Variants in PPP3CC observed in about 807,000 individuals in gnomAD.
The protein encoded by PPP3CC is serine/threonine-protein phosphatase 2B catalytic subunit gamma isoform.
A neutral mutation model predicts 60.3 loss-of-function variants in PPP3CC; 35 were observed. The ratio of observed to expected loss-of-function variants is 0.58; its 90% CI spans 0.44 to 0.77. The LOEUF (loss-of-function observed/expected upper bound fraction) is 0.77, where lower values mean the gene tolerates loss of function less well. Among genes scored for constraint, PPP3CC ranks in the 30% least tolerant of loss-of-function variants. PPP3CC has a pLI of 0.00. For synonymous variants in PPP3CC, 206 were observed against 224.3 expected, an observed-to-expected ratio of 0.92 and a Z score of 0.73; for missense variants, 570 against 628.9, an observed-to-expected ratio of 0.91 and a Z score of 1.00.
At chr8:22,453,209 G>A (rs1021275807) in intron 1 of PPP3CC, among the ~76,000 whole-genome samples, 1 of 152,174 alleles carries the variant, frequency 6.6e-6, no homozygotes, top group Non-Finnish European at 1.5e-5. Context: ...CCCATAGTGG[G>A]TGGTTAATAA....
At chr8:22,477,085 A>C (rs1448426254) in intron 3 of PPP3CC, among the ~76,000 whole-genome samples, 1 of 152,182 alleles carries the variant, frequency 6.6e-6, no homozygotes, top group African/African-American at 2.4e-5. Flanking sequence ...CTAAATAGGT[A>C]CTGGGAATAG....
intron 12 of PPP3CC, among the ~76,000 whole-genome samples, chr8:22,536,937 T>A (rs530756457): frequency 6.6e-6 from 1 of 152,054 alleles, no homozygotes; most frequent in Non-Finnish European, 1.5e-5. Flanking sequence ...TGCTTGGAAA[T>A]TGAAGCACAA....
rs1839622548 is a variant in PPP3CC at position 22,528,562 on chromosome 8, G to C, written c.1126G>C (p.Asp376His). The C allele has an allele frequency of 6.4e-7, 1 of 1,552,854 alleles. No individual in the cohort carries two copies. Among genetic ancestry groups the C allele is most frequent in the Non-Finnish European group, 8.7e-7 (1 of 1,144,342 alleles). The change falls in exon 10 of 14, where the codon GAT becomes CAT. Residue 376 changes from aspartate (D) to histidine (H), a missense_variant. Asp to His is a moderately conservative substitution (Grantham distance 81). Coordinates refer to ENST00000240139, the MANE Select transcript of PPP3CC (RefSeq NM_005605.5). ...ATGCTCTGATGACGAACTGATTTCT[G>C]ATGATGAAGCAGAAGGTAAACTTTT... ...NICSDDELIS[D>H]DEAEGSTTVR... is the part of the protein sequence containing the mutation.
At chr8:22,459,338 G>C (rs1837299100) in intron 1 of PPP3CC, among the ~76,000 whole-genome samples, 1 of 152,084 alleles carries the variant, frequency 6.6e-6, no homozygotes, top group Admixed American at 6.6e-5. Flanking sequence ...TGAAATATGT[G>C]TTATAATTTG....
At chr8:22,468,057 A>C (rs895146764) in intron 1 of PPP3CC, among the ~76,000 whole-genome samples, 4 of 152,224 alleles carry the variant, frequency 2.6e-5, no homozygotes, top group African/African-American at 7.2e-5. Context: ...GGAACATTCA[A>C]ATCATAGCAG....
intron 3 of PPP3CC, among the ~76,000 whole-genome samples, chr8:22,483,179 C>G (rs1036924038): frequency 1.3e-5 from 2 of 152,178 alleles, no homozygotes; most frequent in African/African-American, 4.8e-5. Flanking sequence ...AAGCCCTGTT[C>G]TACAATAGGA....
At chr8:22,534,160 T>C (rs12676481) in intron 12 of PPP3CC, among the ~76,000 whole-genome samples, 148,697 of 148,698 alleles carry the variant, frequency 1, 74,348 homozygotes, top group Non-Finnish European at 1. Context: ...GATCACACCA[T>C]TGCACTCCAG....
intron 4 of PPP3CC, among the ~76,000 whole-genome samples, chr8:22,499,842 C>G (rs978021849): frequency 6.6e-6 from 1 of 152,160 alleles, no homozygotes. Context: ...TCATTTTACC[C>G]TCATACCCTG....
At chr8:22,467,233 C>G (rs1178247894) in intron 1 of PPP3CC, among the ~76,000 whole-genome samples, 1 of 151,842 alleles carries the variant, frequency 6.6e-6, no homozygotes, top group Non-Finnish European at 1.5e-5. Flanking sequence ...TATTTATGTA[C>G]TTATGCATTG....
chr8:22,446,805 C>CAAAAA (rs34407184), intron 1 of PPP3CC, among the ~76,000 whole-genome samples: 3 of 21,950 alleles, frequency 1.4e-4, no homozygotes, highest in African/African-American at 2.2e-4. Flanking sequence ...GACTCTGTCT[C>CAAAAA]AAAAAAAAAA....
At chr8:22,525,537 TCTCTCC>T (rs1419872965) in intron 8 of PPP3CC, among the ~76,000 whole-genome samples, 2 of 57,740 alleles carry the variant, frequency 3.5e-5, no homozygotes, top group Non-Finnish European at 3.7e-5. Context: ...TTTCTTTCTT[TCTCTCC>T]CTCTCTCTCT....
intron 1 of PPP3CC, among the ~76,000 whole-genome samples, chr8:22,456,762 C>A (rs928476252): frequency 4.6e-5 from 7 of 152,180 alleles, no homozygotes; most frequent in Non-Finnish European, 1.0e-4. Context: ...TCCCCCTTCT[C>A]CACGGGAAAC....
intron 1 of PPP3CC, among the ~76,000 whole-genome samples, chr8:22,471,499 A>G (rs913405350): frequency 6.6e-6 from 1 of 152,190 alleles, no homozygotes; most frequent in Non-Finnish European, 1.5e-5. Context: ...TGCATAGTCT[A>G]TATGATATAG....
At chr8:22,446,867 A>G (rs1052588069) in intron 1 of PPP3CC, among the ~76,000 whole-genome samples, 2 of 151,306 alleles carry the variant, frequency 1.3e-5, no homozygotes, top group African/African-American at 4.9e-5. Flanking sequence ...TAGAGACAAA[A>G]TTATTCATTT....
At chr8:22,495,905 G>A (rs986870809) in intron 3 of PPP3CC, among the ~76,000 whole-genome samples, 5 of 151,990 alleles carry the variant, frequency 3.3e-5, no homozygotes, top group Non-Finnish European at 7.4e-5. Context: ...TTATTTTATT[G>A]CCTCTGGATT....
chr8:22,528,690 T>C, intron 10 of PPP3CC, 113 bp downstream of exon 10: 1 of 795,478 alleles, frequency 1.3e-6, no homozygotes, highest in Non-Finnish European at 1.8e-6. Context: ...AGTTAGTTCA[T>C]TGTAGAAAAA....
chr8:22,532,462 A>C (rs1007133165), intron 11 of PPP3CC, among the ~76,000 whole-genome samples, 156 bp downstream of exon 11: 1 of 152,242 alleles, frequency 6.6e-6, no homozygotes, highest in African/African-American at 2.4e-5. Flanking sequence ...AGCGACTAAA[A>C]ATGTTCCAGC....
chr8:22,514,220 C>G lies in PPP3CC; in HGVS notation c.770+788C>G, dbSNP rs542309127. Among the ~76,000 whole-genome samples, 3 of 143,416 alleles carry G rather than the reference C, an allele frequency of 2.1e-5. No homozygotes were observed. In the East Asian group the frequency reaches 6.1e-4, roughly 29 times the overall value. The allele number at this position is 143,416 out of a possible 152,430, so 94.1% of individuals were successfully genotyped here. On this transcript the variant is annotated intron_variant, in intron 6 of 13. Coordinates refer to ENST00000240139, the MANE Select transcript of PPP3CC (RefSeq NM_005605.5). ...CCAAGATTGTGCCACTACACACCAA[C>G]CTGTGCAACAGAGCAAGACTCTGTC...
intron 1 of PPP3CC, among the ~76,000 whole-genome samples, chr8:22,473,754 C>G (rs1323832738): frequency 6.6e-6 from 1 of 151,732 alleles, no homozygotes; most frequent in South Asian, 2.1e-4. Context: ...GTGAGCCACA[C>G]CACACCCGGC....
Sources: gnomAD v4.1 joint callset for allele counts (sites outside exome capture counted in the v4.1 genomes callset) on GRCh38, gnomAD v4.1.1 for gene constraint, MANE v1.5 for transcripts, NCBI Gene and HGNC (gene_info 2026-07-23, HGNC 2026-07-21) for gene names.